Variants in MCM9 observed in about 807,000 individuals in gnomAD.
MCM9 encodes the protein minichromosome maintenance 9 homologous recombination repair factor.
Under a neutral mutation model 72.8 loss-of-function variants are expected in MCM9, and 55 were observed. That is an observed-to-expected ratio of 0.76 (90% CI 0.61 to 0.95). The LOEUF is 0.95. Ranked by LOEUF, MCM9 falls within the 40% of genes least tolerant of loss-of-function variation. The pLI is 0.00. For missense variants in MCM9, 1,279 were observed against 1,377.0 expected (o/e 0.93, Z 1.13); for synonymous variants, 480 against 503.4 (o/e 0.95, Z 0.62).
chr6:118,869,038 G>A (rs1396235580), intron 8 of MCM9, among the ~76,000 whole-genome samples: 1 of 152,194 alleles, frequency 6.6e-6, no homozygotes, highest in Non-Finnish European at 1.5e-5. Context: ...TGATAGACTG[G>A]ATTAAGAAAA....
Position 118,828,150 on chromosome 6 carries a change from G to T in MCM9, c.1529-20C>A. 2 of 1,535,832 alleles carry T rather than the reference G, an allele frequency of 1.3e-6. No individual in the cohort carries two copies. Among genetic ancestry groups the T allele is most frequent in the Non-Finnish European group, 1.8e-6 (2 of 1,135,190 alleles). Reference sequence around the variant, plus strand: ...GGTAACCTGTATGTATCAGGTGTTGGGTCAGTAAGTTCTTAGGACAGGCAA... The same window carrying T: ...GGTAACCTGTATGTATCAGGTGTTGTGTCAGTAAGTTCTTAGGACAGGCAA... On this transcript the variant is annotated intron_variant, in intron 10 of 13. Coordinates refer to ENST00000619706, the MANE Select transcript of MCM9 (RefSeq NM_017696.3).
intron 8 of MCM9, among the ~76,000 whole-genome samples, chr6:118,904,427 TG>T (rs915131197): frequency 6.6e-6 from 1 of 152,228 alleles, no homozygotes; most frequent in African/African-American, 2.4e-5. Flanking sequence ...CTTGGTGCCC[TG>T]GCAACAGGTA....
At chr6:118,911,933 CTTAA>C (rs1405718933) in intron 7 of MCM9, 164 bp from the exon 8 acceptor site, 2 of 509,542 alleles carry the variant, frequency 3.9e-6, no homozygotes, top group Non-Finnish European at 6.9e-6. Context: ...ATAAACAGTC[CTTAA>C]TTGATTACTC....
intron 8 of MCM9, among the ~76,000 whole-genome samples, chr6:118,878,048 G>C (rs1778050984): frequency 6.6e-6 from 1 of 152,080 alleles, no homozygotes; most frequent in Non-Finnish European, 1.5e-5. Context: ...TGTAATCCTA[G>C]CCATTTGGGA....
intron 6 of MCM9, among the ~76,000 whole-genome samples, chr6:118,916,017 G>T (rs1780913506): frequency 6.6e-6 from 1 of 151,984 alleles, no homozygotes; most frequent in African/African-American, 2.4e-5. Flanking sequence ...AATAACAGTG[G>T]TCCAAGGAAG....
chr6:118,867,042 A>G (rs1777259227), intron 8 of MCM9, among the ~76,000 whole-genome samples: 1 of 146,318 alleles, frequency 6.8e-6, no homozygotes, highest in Non-Finnish European at 1.5e-5. Flanking sequence ...TCCTAAAAGG[A>G]AAAAAAAAAA....
In MCM9 at chr6:118,910,564, T is replaced by G. The variant is rs572808253; in HGVS notation, c.1150+1086A>C. Reference sequence around the variant, plus strand: ...ATGGCTTGGACTCATTTCTTGACACTCTACATAATTACTTAGGAAACATTC... The same window carrying G: ...ATGGCTTGGACTCATTTCTTGACACGCTACATAATTACTTAGGAAACATTC... On this transcript the variant is annotated intron_variant, in intron 8 of 13. Coordinates refer to ENST00000619706, the MANE Select transcript of MCM9 (RefSeq NM_017696.3). The G allele has an allele frequency of 3.1e-6, 3 of 959,746 alleles. No individual in the cohort carries two copies. The African/African-American group carries it at 5.3e-5, about 17-fold the overall frequency. 59.5% of individuals were successfully genotyped at this position (959,746 alleles called of 1,614,324 possible). A position where few individuals can be genotyped will look rare whatever the true frequency, so the allele number is the denominator to read the frequency against.
At chr6:118,919,386 G>A (rs1346394677) in intron 5 of MCM9, 5 of 152,150 alleles carry the variant, frequency 3.3e-5, no homozygotes, top group Admixed American at 2.6e-4. Flanking sequence ...ACTACAAAAT[G>A]TGAATGATTA....
At chr6:118,888,361 C>T (rs1404578770) in intron 8 of MCM9, among the ~76,000 whole-genome samples, 1 of 152,070 alleles carries the variant, frequency 6.6e-6, no homozygotes, top group Non-Finnish European at 1.5e-5. Context: ...GTGGCGGGCG[C>T]CTGTAGTCCC....
intron 8 of MCM9, among the ~76,000 whole-genome samples, chr6:118,875,482 C>A (rs36136292): frequency 0.83 from 125,892 of 151,648 alleles, 52,418 homozygotes; most frequent in East Asian, 0.92. Context: ...ACAAAATACC[C>A]AAAACTAGCC....
At chr6:118,917,227 T>C (rs932852446) in intron 6 of MCM9, among the ~76,000 whole-genome samples, 2 of 152,224 alleles carry the variant, frequency 1.3e-5, no homozygotes, top group Non-Finnish European at 2.9e-5. Flanking sequence ...ATGGCTTTAA[T>C]AGGATGAGGG....
At chr6:118,915,398 A>G (rs1780856840) in intron 6 of MCM9, among the ~76,000 whole-genome samples, 1 of 152,196 alleles carries the variant, frequency 6.6e-6, no homozygotes, top group East Asian at 1.9e-4. Context: ...GTAATCTCAG[A>G]ATTAAGATAA....
intron 9 of MCM9, 82 bp from the exon 10 acceptor site, chr6:118,829,332 C>T: frequency 7.8e-7 from 1 of 1,285,246 alleles, no homozygotes; most frequent in Admixed American, 2.8e-5. Context: ...AATGGGGCTG[C>T]TCTTGCACCT....
At chr6:118,842,620 A>C (rs1775452556) in intron 9 of MCM9, among the ~76,000 whole-genome samples, 1 of 152,154 alleles carries the variant, frequency 6.6e-6, no homozygotes, top group Non-Finnish European at 1.5e-5. Context: ...CCTAGGCTCA[A>C]GTGATCCTCC....
intron 8 of MCM9, chr6:118,894,085 C>G (rs947120888): frequency 9.0e-6 from 10 of 1,115,288 alleles, no homozygotes; most frequent in African/African-American, 8.1e-5. Flanking sequence ...TTAAAGTTTC[C>G]GAGTCCATTC....
intron 9 of MCM9, among the ~76,000 whole-genome samples, chr6:118,830,533 G>T (rs920090320): frequency 3.9e-5 from 6 of 152,168 alleles, no homozygotes; most frequent in Non-Finnish European, 7.4e-5. Context: ...CTTTTGTAAA[G>T]ACAGTTGTTT....
At chr6:118,886,460 C>T in intron 8 of MCM9, among the ~76,000 whole-genome samples, 1 of 151,526 alleles carries the variant, frequency 6.6e-6, no homozygotes, top group African/African-American at 2.4e-5. Flanking sequence ...ACACAAAATC[C>T]TAAGAAATCC....
intron 8 of MCM9, chr6:118,911,080 C>G: frequency 2.0e-6 from 2 of 984,722 alleles, no homozygotes; most frequent in Non-Finnish European, 2.4e-6. Context: ...CCCTGGGTCA[C>G]TTTATTTATA....
chr6:118,934,048 A>G (rs900505803), intron 1 of MCM9, among the ~76,000 whole-genome samples: 11 of 151,658 alleles, frequency 7.3e-5, no homozygotes, highest in Non-Finnish European at 2.9e-5. Flanking sequence ...TTAAGTTTAG[A>G]GCCACAAATT....
Sources: allele counts gnomAD v4.1 joint callset (sites outside exome capture counted in the v4.1 genomes callset), GRCh38; gene constraint gnomAD v4.1.1; transcripts MANE v1.5; gene names NCBI Gene and HGNC (gene_info 2026-07-23, HGNC 2026-07-21).